CD2AP: variants seen among roughly 807,000 people sequenced by gnomAD.
CD2AP encodes CD2 associated protein, also known as CD2-associated protein.
In CD2AP, 46 loss-of-function variants were observed where a neutral mutation model predicts 85.1. The observed-to-expected ratio is 0.54, with a 90% CI of 0.43 to 0.69. CD2AP has a LOEUF of 0.69. Ranked by LOEUF, CD2AP falls within the 30% of genes least tolerant of loss-of-function variation. The pLI, the probability that CD2AP is intolerant of heterozygous loss-of-function variation, is 0.00. For synonymous variants in CD2AP, 255 were observed against 252.9 expected (o/e 1.01, Z -0.08); for missense variants, 769 against 729.5 (o/e 1.05, Z -0.62).
chr6:47,579,350 G>A (rs78311912), intron 8 of CD2AP, 35 bp from the exon 9 acceptor site: 5 of 872,668 alleles, frequency 5.7e-6, no homozygotes, highest in Non-Finnish European at 8.8e-6. Context: ...AAAAAAAAAG[G>A]TCTATTGTCT....
chr6:47,577,902 AT>A (rs1768356157), intron 8 of CD2AP, among the ~76,000 whole-genome samples: 1 of 152,150 alleles, frequency 6.6e-6, no homozygotes, highest in Non-Finnish European at 1.5e-5. Context: ...TGACTTTGTT[AT>A]AAGATGTCAT....
chr6:47,508,983 T>C (rs557276869), intron 2 of CD2AP, among the ~76,000 whole-genome samples: 3 of 152,338 alleles, frequency 2.0e-5, no homozygotes, highest in Admixed American at 2.0e-4. Flanking sequence ...TTTTGGCCTA[T>C]CTCAACTTTC....
chr6:47,606,568 C>T (rs1052549696), intron 14 of CD2AP, among the ~76,000 whole-genome samples: 1 of 151,962 alleles, frequency 6.6e-6, no homozygotes, highest in African/African-American at 2.4e-5. Context: ...CTTTCAACAA[C>T]AGTTATTAAA....
chr6:47,497,445 G>T (rs1248602773), intron 1 of CD2AP, among the ~76,000 whole-genome samples: 2 of 150,690 alleles, frequency 1.3e-5, no homozygotes, highest in African/African-American at 4.9e-5. Context: ...CCAGGCTGGA[G>T]TGCAGTGGTG....
At chr6:47,569,015 T>C (rs895330407) in intron 5 of CD2AP, among the ~76,000 whole-genome samples, 1 of 152,080 alleles carries the variant, frequency 6.6e-6, no homozygotes, top group African/African-American at 2.4e-5. Context: ...GGAGGTTAAG[T>C]AAAAGAGATC....
chr6:47,532,816 A>G lies in CD2AP; in HGVS notation c.166-786A>G, dbSNP rs146839987. Among the ~76,000 whole-genome samples the G allele has an allele frequency of 2.9e-3, 442 of 152,344 alleles. 3 individuals are homozygous for G. The highest frequency in any genetic ancestry group is 0.01 in the African/African-American group (428 of 41,590). ...TGTATTTGAATTGCATTGATATATTACATCAATTTTAAGGGAGAACTGATA... is the reference window on the plus strand; with the variant it reads ...TGTATTTGAATTGCATTGATATATTGCATCAATTTTAAGGGAGAACTGATA... On this transcript the variant is annotated intron_variant, in intron 2 of 17. Coordinates refer to ENST00000359314, the MANE Select transcript of CD2AP (RefSeq NM_012120.3).
chr6:47,485,852 T>C (rs1765554399), intron 1 of CD2AP, among the ~76,000 whole-genome samples: 1 of 152,224 alleles, frequency 6.6e-6, no homozygotes. Flanking sequence ...AATAGCATGC[T>C]GTACAGTTTT....
chr6:47,573,160 C>A (rs1343390783), intron 5 of CD2AP, among the ~76,000 whole-genome samples: 1 of 151,968 alleles, frequency 6.6e-6, no homozygotes, highest in Non-Finnish European at 1.5e-5. Context: ...AAATAAGAAC[C>A]CTTGTTACTG....
chr6:47,591,776 T>G (rs764624662), intron 11 of CD2AP, among the ~76,000 whole-genome samples: 22 of 152,160 alleles, frequency 1.4e-4, no homozygotes, highest in Non-Finnish European at 1.8e-4. Flanking sequence ...TTAGCATACA[T>G]TTTAGACATT....
chr6:47,609,248 T>C lies in CD2AP; in HGVS notation c.1758T>C (p.Leu586=). Residue 586 remains leucine, a synonymous_variant, in exon 16 of 18, where the codon CTT becomes CTC. Transcript: ENST00000359314. ...DDVKKNSLDE[L]RAQIIELLCI... is the part of the protein sequence containing the mutation. The stretch of plus-strand genomic sequence containing the variant: ...TGAAAAAAAATTCCCTGGATGAACT[T>C]AGAGCCCAGATTATTGAATTGTTGT... 6.2e-7 allele frequency: 1 copy of C among 1,613,622 alleles called. No homozygotes were observed. Among genetic ancestry groups the C allele is most frequent in the Non-Finnish European group, 8.5e-7 (1 of 1,179,758 alleles).
rs368150114 is a variant in CD2AP, at chr6:47,609,246, C to T, written c.1756C>T (p.Leu586Phe). ...TGTGAAAAAAAATTCCCTGGATGAA[C>T]TTAGAGCCCAGATTATTGAATTGTT... ...DDVKKNSLDE[L>F]RAQIIELLCI... The change falls in exon 16 of 18, where the codon CTT (leucine) becomes TTT (phenylalanine). Residue 586 changes from leucine to phenylalanine, a missense_variant. Leu to Phe is a conservative substitution (Grantham distance 22). Transcript: ENST00000359314. 23 of 1,613,372 alleles carry T rather than the reference C, an allele frequency of 1.4e-5. No individual in the cohort carries two copies. The highest frequency in any genetic ancestry group is 1.3e-4 in the African/African-American group (10 of 74,826).
chr6:47,591,765 G>A (rs1226597961), intron 11 of CD2AP, among the ~76,000 whole-genome samples: 1 of 152,164 alleles, frequency 6.6e-6, no homozygotes, highest in Non-Finnish European at 1.5e-5. Flanking sequence ...GTTGTATTTT[G>A]TTAGCATACA....
intron 2 of CD2AP, among the ~76,000 whole-genome samples, chr6:47,512,166 A>AT (rs199759400): frequency 6.7e-4 from 94 of 139,784 alleles, no homozygotes; most frequent in Non-Finnish European, 8.8e-4. Flanking sequence ...TGAAAAAAAA[A>AT]ATATATATAA....
intron 15 of CD2AP, among the ~76,000 whole-genome samples, chr6:47,608,577 G>A (rs28360587): frequency 1.3e-5 from 2 of 151,850 alleles, no homozygotes; most frequent in African/African-American, 2.4e-5. Context: ...TTTTGTCAGC[G>A]TTTCCAATTT....
Position 47,550,445 on chromosome 6 carries a change from C to T in CD2AP, c.421-4201C>T, listed in dbSNP as rs187288769. On this transcript the variant is annotated intron_variant, in intron 4 of 17. Transcript: ENST00000359314. ...ATGCAATGGCCAACAAACATGAAGACATGTTCAACATCACCAATTATCAGG... is the reference window on the plus strand; with the variant it reads ...ATGCAATGGCCAACAAACATGAAGATATGTTCAACATCACCAATTATCAGG... 9.2e-5 allele frequency among the ~76,000 whole-genome samples: 14 copies of T among 152,122 alleles called. No individual in the cohort carries two copies. In the East Asian group the frequency reaches 2.3e-3, roughly 25 times the overall value.
At chr6:47,520,882 T>C (rs1766571182) in intron 2 of CD2AP, among the ~76,000 whole-genome samples, 2 of 151,884 alleles carry the variant, frequency 1.3e-5, no homozygotes, top group South Asian at 4.2e-4. Context: ...TGTTTTCTTC[T>C]TCTCTGCTTG....
chr6:47,589,840 G>A (rs1465314227), intron 11 of CD2AP, among the ~76,000 whole-genome samples: 1 of 151,920 alleles, frequency 6.6e-6, no homozygotes, highest in Admixed American at 6.6e-5. Context: ...TTTTGATTTA[G>A]TTCCTAAAGG....
chr6:47,613,131 C>T (rs564004470), intron 17 of CD2AP, among the ~76,000 whole-genome samples: 1 of 152,292 alleles, frequency 6.6e-6, no homozygotes, highest in African/African-American at 2.4e-5. Context: ...CAGTTCTTTT[C>T]TCCACTGAAG....
chr6:47,523,800 A>G (rs1225886323), intron 2 of CD2AP, among the ~76,000 whole-genome samples: 3 of 152,196 alleles, frequency 2.0e-5, no homozygotes, highest in African/African-American at 7.2e-5. Context: ...ATGCCCTATA[A>G]CAATGTGACA....
Sources: allele counts gnomAD v4.1 joint callset (sites outside exome capture counted in the v4.1 genomes callset), GRCh38; gene constraint gnomAD v4.1.1; transcripts MANE v1.5; gene names NCBI Gene and HGNC (gene_info 2026-07-23, HGNC 2026-07-21).